The following PPP2R5C variants were observed in gnomAD, a reference collection of about 807,000 sequenced individuals.
The protein encoded by PPP2R5C is serine/threonine-protein phosphatase 2A 56 kDa regulatory subunit gamma isoform.
In PPP2R5C, 7 loss-of-function variants were observed where a neutral mutation model predicts 68.9. That is an observed-to-expected ratio of 0.10 (90% CI 0.06 to 0.19). The LOEUF (loss-of-function observed/expected upper bound fraction) is 0.19. PPP2R5C is among the 10% of genes least tolerant of loss of function. The probability of loss-of-function intolerance (pLI) is 1.00; values close to 1 mark genes in which losing one functional copy is unlikely to be tolerated. For missense variants in PPP2R5C, 348 were observed against 641.3 expected, an observed-to-expected ratio of 0.54 and a Z score of 4.94; for synonymous variants, 210 against 222.2, an observed-to-expected ratio of 0.95 and a Z score of 0.49.
At chr14:101,901,935 T>G (rs1483825963) in intron 9 of PPP2R5C, 46 bp downstream of exon 11, 1 of 1,584,760 alleles carries the variant, frequency 6.3e-7, no homozygotes, top group Non-Finnish European at 8.6e-7. Flanking sequence ...CAGTGTTCAT[T>G]TGGGAAAGGA....
At position 101,915,698 on chromosome 14, in the gene PPP2R5C, A is replaced by G. The variant is rs1368437253; in HGVS notation, c.1327-2133A>G. On this transcript the variant is annotated intron_variant, in intron 12 of 13. Coordinates refer to ENST00000334743, the Ensembl canonical transcript of PPP2R5C. The surrounding 1 kb of genome is among the most constrained non-coding windows in gnomAD (Gnocchi z 4.2). The stretch of plus-strand genomic sequence containing the variant: ...CTCGAGGAAAGGTGCTGTGTCCTGA[A>G]TTGTGGAAATTTCTAGGGATACAAA... Among the ~76,000 whole-genome samples the G allele has an allele frequency of 6.6e-6, 1 of 152,228 alleles. No individual in the cohort carries two copies. The highest frequency in any genetic ancestry group is 1.5e-5 in the Non-Finnish European group (1 of 68,040).
rs117685340 is a variant in PPP2R5C, at chr14:101,787,204, C to T, written c.259+1021C>T. Among the ~76,000 whole-genome samples the T allele has an allele frequency of 9.9e-4, 151 of 152,324 alleles. 2 individuals carry two copies. In the East Asian group the frequency reaches 0.026, roughly 27 times the overall value. ...GGCCAAGGCTACAGTGAACCATGAT[C>T]GTGCCACTGCACTTCAGCGTGGATG... On this transcript the variant is annotated intron_variant, in intron 3 of 14. Transcript: ENST00000328724.
intron 1 of PPP2R5C, among the ~76,000 whole-genome samples, chr14:101,826,451 TA>T (rs1198157451): frequency 6.6e-6 from 1 of 152,220 alleles, no homozygotes; most frequent in African/African-American, 2.4e-5. Flanking sequence ...CAATGGACCA[TA>T]AAAGGGTTTA....
chr14:101,813,644 C>A (rs972194748), intron 1 of PPP2R5C, among the ~76,000 whole-genome samples: 5 of 152,168 alleles, frequency 3.3e-5, no homozygotes, highest in African/African-American at 7.2e-5. Flanking sequence ...ATGGTAATGG[C>A]CAGAGAGGAA....
At chr14:101,783,980 G>A (rs1190343857) in intron 2 of PPP2R5C, among the ~76,000 whole-genome samples, 2 of 152,098 alleles carry the variant, frequency 1.3e-5, no homozygotes, top group Non-Finnish European at 2.9e-5. Flanking sequence ...GTTATGGAGG[G>A]GCTTTTAGGG....
chr14:101,829,896 A>G (rs2140327372), intron 1 of PPP2R5C, among the ~76,000 whole-genome samples: 1 of 152,140 alleles, frequency 6.6e-6, no homozygotes, highest in African/African-American at 2.4e-5. Context: ...CAGTATTGAA[A>G]TGTTCACTCC....
intron 8 of PPP2R5C, among the ~76,000 whole-genome samples, chr14:101,897,402 ATTTT>A (rs56037155): frequency 7.1e-6 from 1 of 141,482 alleles, no homozygotes. Flanking sequence ...GAGAGGTTGT[ATTTT>A]TTTTTTTTTT....
At chr14:101,849,298 TC>T (rs1263346296) in intron 1 of PPP2R5C, among the ~76,000 whole-genome samples, 1 of 152,166 alleles carries the variant, frequency 6.6e-6, no homozygotes, top group Non-Finnish European at 1.5e-5. Context: ...ACCTCGTGTA[TC>T]CTCAACACCA....
chr14:101,785,993 T>C (rs45482193), intron 2 of PPP2R5C, 25 bp from the exon 3 acceptor site: 132,961 of 1,512,210 alleles, frequency 0.088, 6,246 homozygotes, highest in Middle Eastern at 0.11. Context: ...TACATATTCA[T>C]TTGTTTTTGT....
chr14:101,784,439 C>T (rs1444370587), intron 2 of PPP2R5C, among the ~76,000 whole-genome samples: 2 of 151,364 alleles, frequency 1.3e-5, no homozygotes, highest in Admixed American at 6.6e-5. Context: ...CCTCAGGAAA[C>T]TTACCATCAT....
rs145407942 is a variant in PPP2R5C at position 101,864,066 on chromosome 14, C to T, written c.294+7181C>T. Among the ~76,000 whole-genome samples, 6 of 152,268 alleles carry T rather than the reference C, an allele frequency of 3.9e-5. No homozygotes were observed. The East Asian group carries it at 1.2e-3, about 29-fold the overall frequency. On this transcript the variant is annotated intron_variant, in intron 2 of 13. Transcript: ENST00000334743. ...GTCCTGCATTGTCCCATCTTTGGATCGTCAGTTCCCCCAGAGAACAACTTG... is the reference window on the plus strand; with the variant it reads ...GTCCTGCATTGTCCCATCTTTGGATTGTCAGTTCCCCCAGAGAACAACTTG...
chr14:101,880,598 C>G (rs2044100813), intron 2 of PPP2R5C, among the ~76,000 whole-genome samples: 1 of 152,142 alleles, frequency 6.6e-6, no homozygotes, highest in Non-Finnish European at 1.5e-5. Context: ...GAGTTTGAGA[C>G]CAGCATGGGC....
In PPP2R5C at chr14:101,897,018, A is replaced by G. The variant is rs762645480; in HGVS notation, c.852+2458A>G. ...AAAATTCAAGAAGAGCTCTTGTCCT[A>G]TGACTGCAGAGGTAGCAGGTGCTAC... On this transcript the variant is annotated intron_variant, in intron 8 of 13. Transcript: ENST00000334743. 3.3e-5 allele frequency among the ~76,000 whole-genome samples: 5 copies of G among 152,270 alleles called. No homozygotes were observed. In the South Asian group the frequency reaches 8.3e-4, roughly 25 times the overall value.
At chr14:101,870,841 TAGACTC>T (rs1305560560) in intron 2 of PPP2R5C, among the ~76,000 whole-genome samples, 1 of 152,240 alleles carries the variant, frequency 6.6e-6, no homozygotes, top group East Asian at 1.9e-4. Context: ...AATATCTTCT[TAGACTC>T]GTAAATTAGT....
At chr14:101,818,969 G>T in intron 1 of PPP2R5C, 5 of 1,500,128 alleles carry the variant, frequency 3.3e-6, no homozygotes, top group Non-Finnish European at 4.5e-6. Flanking sequence ...TATAACTTAT[G>T]AAAAAGTTAT....
intron 1 of PPP2R5C, among the ~76,000 whole-genome samples, chr14:101,826,364 T>C (rs772128750): frequency 1.3e-5 from 2 of 152,238 alleles, no homozygotes; most frequent in Non-Finnish European, 2.9e-5. Flanking sequence ...CATGTGAATA[T>C]CCAGTTTTCC....
chr14:101,765,068 A>G (rs1306981455), intron 2 of PPP2R5C: 4 of 660,758 alleles, frequency 6.1e-6, no homozygotes, highest in South Asian at 4.8e-5. Context: ...GTGTTTTGAA[A>G]GCAGTTTGCC....
intron 1 of PPP2R5C, among the ~76,000 whole-genome samples, chr14:101,833,980 T>C (rs1480512463): frequency 6.6e-6 from 1 of 152,082 alleles, no homozygotes; most frequent in East Asian, 1.9e-4. Context: ...GGCTAATTTT[T>C]GTATTTTTGT....
chr14:101,893,468 CG>C (rs1407423757), intron 7 of PPP2R5C, among the ~76,000 whole-genome samples: 2 of 152,078 alleles, frequency 1.3e-5, no homozygotes, highest in Non-Finnish European at 2.9e-5. Flanking sequence ...CCTATGAAAA[CG>C]TTTTTTAAAA....
Sources: allele counts gnomAD v4.1 joint callset (sites outside exome capture counted in the v4.1 genomes callset), GRCh38; gene constraint gnomAD v4.1.1; non-coding constraint Gnocchi (gnomAD v3.1); transcripts MANE v1.5; gene names NCBI Gene and HGNC (gene_info 2026-07-23, HGNC 2026-07-21).